The following FMNL2 variants were observed in gnomAD, a reference collection of about 807,000 sequenced individuals.
FMNL2 encodes the protein formin like 2.
Under a neutral mutation model 130.2 loss-of-function variants are expected in FMNL2, and 51 were observed. That is an observed-to-expected ratio of 0.39 (90% CI 0.31 to 0.49). The LOEUF (loss-of-function observed/expected upper bound fraction) is 0.49. Among genes scored for constraint, FMNL2 ranks in the 20% least tolerant of loss-of-function variants. FMNL2 has a pLI of 0.85. For synonymous variants in FMNL2, 465 were observed against 467.1 expected, an observed-to-expected ratio of 1.00 and a Z score of 0.06; for missense variants, 977 against 1,316.2, an observed-to-expected ratio of 0.74 and a Z score of 3.99.
At chr2:152,609,764 T>A (rs961804301) in intron 10 of FMNL2, among the ~76,000 whole-genome samples, 15 of 152,112 alleles carry the variant, frequency 9.9e-5, no homozygotes, top group East Asian at 3.8e-4. Context: ...GATAAAAAAA[T>A]TTTTTAAAAG....
intron 2 of FMNL2, among the ~76,000 whole-genome samples, chr2:152,526,364 C>A (rs561091584): frequency 6.6e-6 from 1 of 152,088 alleles, no homozygotes; most frequent in Non-Finnish European, 1.5e-5. Context: ...GATGGTGATG[C>A]CAGCAATAAC....
intron 1 of FMNL2, among the ~76,000 whole-genome samples, chr2:152,517,810 C>A (rs761215821): frequency 2.0e-5 from 3 of 152,136 alleles, no homozygotes; most frequent in Non-Finnish European, 2.9e-5. Flanking sequence ...ATTAAGTTGT[C>A]TCAGATGCCT....
At chr2:152,643,635 T>C in intron 25 of FMNL2, 1 of 1,481,340 alleles carries the variant, frequency 6.8e-7, no homozygotes, top group Non-Finnish European at 8.9e-7. Flanking sequence ...ATCTCCATCA[T>C]GTTATATTTT....
intron 1 of FMNL2, among the ~76,000 whole-genome samples, chr2:152,456,748 C>T (rs535662900): frequency 6.6e-6 from 1 of 152,046 alleles, no homozygotes; most frequent in East Asian, 1.9e-4. Context: ...TTGAGACCAG[C>T]CTGACCAACA....
intron 22 of FMNL2, 23 bp downstream of exon 22, chr2:152,636,613 C>T (rs1231394303): frequency 1.3e-6 from 2 of 1,550,316 alleles, no homozygotes; most frequent in Non-Finnish European, 1.7e-6. Context: ...GCCCCTGAAA[C>T]CTGTGAAGAG....
chr2:152,542,198 A>G (rs376931274), intron 2 of FMNL2, among the ~76,000 whole-genome samples: 45 of 152,344 alleles, frequency 3.0e-4, no homozygotes, highest in African/African-American at 9.9e-4. Context: ...GTACCCATGC[A>G]AACATAACAC....
At chr2:152,382,354 G>A (rs948194566) in intron 1 of FMNL2, among the ~76,000 whole-genome samples, 1 of 152,142 alleles carries the variant, frequency 6.6e-6, no homozygotes, top group African/African-American at 2.4e-5. Flanking sequence ...ATGTGTCTTT[G>A]TTTCCTCTGG....
At chr2:152,473,547 G>A (rs1431129686) in intron 1 of FMNL2, among the ~76,000 whole-genome samples, 2 of 152,178 alleles carry the variant, frequency 1.3e-5, no homozygotes, top group Non-Finnish European at 2.9e-5. Context: ...TAATACACAA[G>A]TAATACTCAC....
chr2:152,597,173 A>G (rs1230989805), intron 9 of FMNL2, among the ~76,000 whole-genome samples: 1 of 151,980 alleles, frequency 6.6e-6, no homozygotes, highest in Admixed American at 6.5e-5. Flanking sequence ...TGGTGGGTAC[A>G]GTTTTCATGT....
intron 1 of FMNL2, among the ~76,000 whole-genome samples, chr2:152,476,496 C>A (rs1558895097): frequency 6.6e-6 from 1 of 152,034 alleles, no homozygotes; most frequent in East Asian, 1.9e-4. Flanking sequence ...CATAGCGAGA[C>A]CCTGTCTCTA....
chr2:152,469,274 C>G (rs919538680), intron 1 of FMNL2, among the ~76,000 whole-genome samples: 3 of 152,206 alleles, frequency 2.0e-5, no homozygotes, highest in Non-Finnish European at 4.4e-5. Flanking sequence ...TCAGCTCTTC[C>G]TGATATCATG....
At chr2:152,513,191 G>A (rs1045636275) in intron 1 of FMNL2, among the ~76,000 whole-genome samples, 4 of 152,048 alleles carry the variant, frequency 2.6e-5, no homozygotes, top group Admixed American at 6.6e-5. Flanking sequence ...CAATTTCATC[G>A]TTGTGTGAAC....
intron 1 of FMNL2, among the ~76,000 whole-genome samples, chr2:152,373,831 T>C (rs1265391805): frequency 1.3e-5 from 2 of 151,978 alleles, no homozygotes; most frequent in Non-Finnish European, 2.9e-5. Flanking sequence ...AAATCTGGGA[T>C]GTAAGAGTTC....
At chr2:152,409,167 T>C (rs1686153530) in intron 1 of FMNL2, among the ~76,000 whole-genome samples, 1 of 152,154 alleles carries the variant, frequency 6.6e-6, no homozygotes, top group African/African-American at 2.4e-5. Context: ...ACTTCAAAGA[T>C]GCTCCAAAGA....
intron 6 of FMNL2, among the ~76,000 whole-genome samples, chr2:152,562,627 A>G (rs992197276): frequency 6.6e-6 from 1 of 152,236 alleles, no homozygotes; most frequent in Non-Finnish European, 1.5e-5. Context: ...CAATATTAAG[A>G]GCAGTGTTTC....
intron 1 of FMNL2, among the ~76,000 whole-genome samples, chr2:152,461,349 A>G (rs1403867398): frequency 7.9e-6 from 1 of 125,984 alleles, no homozygotes; most frequent in Non-Finnish European, 1.6e-5. Flanking sequence ...TACTAGTGAG[A>G]TATTTTACTT....
chr2:152,373,346 G>T (rs1401938632), intron 1 of FMNL2, among the ~76,000 whole-genome samples: 1 of 152,090 alleles, frequency 6.6e-6, no homozygotes, highest in Non-Finnish European at 1.5e-5. Context: ...ATGAACAGTT[G>T]GGGGGAGTTT....
chr2:152,426,396 C>G (rs1687205090), intron 1 of FMNL2, among the ~76,000 whole-genome samples: 1 of 152,178 alleles, frequency 6.6e-6, no homozygotes, highest in Admixed American at 6.5e-5. Flanking sequence ...GTTGCCATAG[C>G]CCTTAGTATG....
At chr2:152,595,919 G>C (rs1697744160) in intron 9 of FMNL2, among the ~76,000 whole-genome samples, 1 of 151,750 alleles carries the variant, frequency 6.6e-6, no homozygotes, top group African/African-American at 2.4e-5. Context: ...TAAGTACCAG[G>C]GATTGTACCT....
Sources: gnomAD v4.1 joint callset for allele counts (sites outside exome capture counted in the v4.1 genomes callset) on GRCh38, gnomAD v4.1.1 for gene constraint, MANE v1.5 for transcripts, NCBI Gene and HGNC (gene_info 2026-07-23, HGNC 2026-07-21) for gene names.